Variants in SYNE2 observed in about 807,000 individuals in gnomAD.
SYNE2 encodes spectrin repeat containing nuclear envelope protein 2, also known as nesprin-2.
A neutral mutation model predicts 856.3 loss-of-function variants in SYNE2; 431 were observed. The observed-to-expected ratio is 0.50, with a 90% CI of 0.47 to 0.55. SYNE2 has a LOEUF of 0.55. Among genes scored for constraint, SYNE2 ranks in the 20% least tolerant of loss-of-function variants. SYNE2 has a pLI of 0.00. For synonymous variants in SYNE2, 2,923 were observed against 2,872.3 expected (o/e 1.02, Z -0.56); for missense variants, 8,129 against 8,023.2 (o/e 1.01, Z -0.50).
intron 9 of SYNE2, among the ~76,000 whole-genome samples, chr14:63,962,612 A>T (rs1312316370): frequency 6.6e-6 from 1 of 151,896 alleles, no homozygotes; most frequent in East Asian, 1.9e-4. Context: ...TATACTCTTG[A>T]ATTACTATTT....
Position 63,807,819 on chromosome 14 carries a change from T to TTATATATATATATATATATA in SYNE2, c.-304-44655_-304-44636dup, listed in dbSNP as rs71120288. 1.1e-3 allele frequency among the ~76,000 whole-genome samples: 28 copies of TTATATATATATATATATATA among 25,454 alleles called. 2 individuals carry two copies. The highest frequency in any genetic ancestry group is 1.8e-3 in the Non-Finnish European group (21 of 11,442). The allele number at this position is 25,454 out of a possible 152,430, so 16.7% of individuals were successfully genotyped here. A position where few individuals can be genotyped will look rare whatever the true frequency, so the allele number is the denominator to read the frequency against. ...ACAGGCATGAACTACTACTCCAGGC[T>TTATATATATATATATATATA]TATATATATATATATATATATATAT... On this transcript the variant is annotated intron_variant, in intron 1 of 23. Coordinates refer to the SYNE2 transcript ENST00000674003.
rs2096564884 is a variant in SYNE2, at chr14:63,978,876, A to C, written c.1431A>C (p.Lys477Asn). ...GAATCAACAACATTTTGGAGAAAAA[A>C]TTTATTCTACTTCTAGAATTTCATT... ...KRRINNILEK[K>N]FILLLEFHYY... is the part of the protein sequence containing the mutation. The change falls in exon 14 of 116, where the codon AAA becomes AAC. Residue 477 changes from lysine to asparagine, a missense_variant. Coordinates refer to ENST00000555002, the MANE Select transcript of SYNE2 (RefSeq NM_182914.3). 1 of 1,613,172 alleles carries C rather than the reference A, an allele frequency of 6.2e-7. No homozygotes were observed. The highest frequency in any genetic ancestry group is 8.5e-7 in the Non-Finnish European group (1 of 1,179,558).
At chr14:64,047,637 C>A (rs1357963309) in intron 45 of SYNE2, among the ~76,000 whole-genome samples, 1 of 152,174 alleles carries the variant, frequency 6.6e-6, no homozygotes, top group East Asian at 1.9e-4. Flanking sequence ...CTTTAAACTA[C>A]CAGTAGGTAA....
chr14:64,196,653 A>G (rs2098541975), intron 99 of SYNE2: 1 of 152,196 alleles, frequency 6.6e-6, no homozygotes, highest in African/African-American at 2.4e-5. Context: ...ATTTAATTTG[A>G]GGAGGACAGA....
intron 7 of SYNE2, among the ~76,000 whole-genome samples, chr14:63,953,539 G>T (rs79770928): frequency 0.52 from 68,013 of 131,100 alleles, 17,250 homozygotes; most frequent in South Asian, 0.63. Flanking sequence ...GATAGAGAGA[G>T]AGAGAGATAG....
intron 1 of SYNE2, among the ~76,000 whole-genome samples, chr14:63,820,115 C>G (rs1333044867): frequency 6.6e-6 from 1 of 151,542 alleles, no homozygotes; most frequent in Non-Finnish European, 1.5e-5. Context: ...TGCAAATAAC[C>G]TAGATTAGGA....
intron 2 of SYNE2, among the ~76,000 whole-genome samples, chr14:63,917,074 G>A (rs888272334): frequency 6.6e-6 from 1 of 152,152 alleles, no homozygotes; most frequent in East Asian, 1.9e-4. Flanking sequence ...GGATGACAGA[G>A]TGAGACCCTG....
intron 30 of SYNE2, among the ~76,000 whole-genome samples, chr14:64,003,558 T>C (rs2096771507): frequency 6.6e-6 from 1 of 152,208 alleles, no homozygotes; most frequent in Admixed American, 6.5e-5. Flanking sequence ...GTGTATCTTA[T>C]GGATGAAGGA....
intron 11 of SYNE2, among the ~76,000 whole-genome samples, chr14:63,974,921 TCTTGAG>T (rs2096529515): frequency 8.5e-6 from 1 of 117,082 alleles, no homozygotes; most frequent in Non-Finnish European, 1.7e-5. Context: ...TATATATGTA[TCTTGAG>T]ACAGGGTCTC....
At chr14:63,856,420 G>T (rs188074139) in intron 1 of SYNE2, among the ~76,000 whole-genome samples, 1 of 152,296 alleles carries the variant, frequency 6.6e-6, no homozygotes, top group Non-Finnish European at 1.5e-5. Context: ...CTGTCCTGGT[G>T]AAGCTGTTAG....
At chr14:63,939,002 T>G (rs1319434742) in intron 2 of SYNE2, among the ~76,000 whole-genome samples, 1 of 151,882 alleles carries the variant, frequency 6.6e-6, no homozygotes. Flanking sequence ...GTGCATGCAC[T>G]GGCTGATATA....
intron 1 of SYNE2, among the ~76,000 whole-genome samples, chr14:63,881,360 T>C (rs748062410): frequency 1.3e-5 from 2 of 151,900 alleles, no homozygotes; most frequent in Non-Finnish European, 2.9e-5. Flanking sequence ...TGTGGAATAT[T>C]GCTATAGAAT....
intron 65 of SYNE2, among the ~76,000 whole-genome samples, chr14:64,111,467 A>G (rs943122607): frequency 2.6e-5 from 4 of 152,058 alleles, no homozygotes; most frequent in African/African-American, 9.7e-5. Flanking sequence ...GATATCTGGA[A>G]GTCTGGAAGC....
chr14:64,078,425 A>C lies in SYNE2; in HGVS notation c.11023-41A>C, dbSNP rs183887142. 5.0e-6 allele frequency: 8 copies of C among 1,611,054 alleles called. No homozygotes were observed. In the African/African-American group the frequency reaches 9.3e-5, roughly 19 times the overall value. ...GTTCGAACCTATGAATAAAGTGCAG[A>C]CAACCTCTCTAAGCCAAATGCGTCT... is the stretch of plus-strand genomic sequence containing the variant. On this transcript the variant is annotated intron_variant, in intron 54 of 115. Transcript: ENST00000555002.
At chr14:64,076,914 T>C (rs939075199) in intron 54 of SYNE2, among the ~76,000 whole-genome samples, 3 of 152,156 alleles carry the variant, frequency 2.0e-5, no homozygotes, top group African/African-American at 7.2e-5. Context: ...CGTATATTTA[T>C]AACAAATCTT....
At chr14:63,838,160 A>G (rs986384796) in intron 1 of SYNE2, among the ~76,000 whole-genome samples, 6 of 152,238 alleles carry the variant, frequency 3.9e-5, no homozygotes, top group South Asian at 4.1e-4. Context: ...ATCTGGGGTC[A>G]GGAGTTTGAG....
chr14:63,970,754 G>A (rs1338242621), intron 11 of SYNE2, among the ~76,000 whole-genome samples: 1 of 148,990 alleles, frequency 6.7e-6, no homozygotes, highest in Non-Finnish European at 1.5e-5. Context: ...CCGGGTTCGA[G>A]CGATTCTCCT....
intron 1 of SYNE2, among the ~76,000 whole-genome samples, chr14:63,796,643 A>G (rs1300673119): frequency 6.6e-6 from 1 of 152,164 alleles, no homozygotes; most frequent in Admixed American, 6.6e-5. Context: ...CAAATAAGGA[A>G]GAGTACCTTG....
intron 107 of SYNE2, chr14:64,215,846 A>G (rs929068377): frequency 3.6e-6 from 3 of 842,624 alleles, no homozygotes; most frequent in South Asian, 1.9e-5. Flanking sequence ...CCTATCTGCC[A>G]TGGTGGGTCG....
Sources: gnomAD v4.1 joint callset for allele counts (sites outside exome capture counted in the v4.1 genomes callset) on GRCh38, gnomAD v4.1.1 for gene constraint, MANE v1.5 for transcripts, NCBI Gene and HGNC (gene_info 2026-07-23, HGNC 2026-07-21) for gene names.